TMTC2: variants seen among roughly 807,000 people sequenced by gnomAD.
TMTC2 encodes the protein protein O-mannosyl-transferase TMTC2.
Under a neutral mutation model 82.4 loss-of-function variants are expected in TMTC2, and 43 were observed. The observed-to-expected ratio is 0.52, with a 90% CI of 0.41 to 0.67. The LOEUF (loss-of-function observed/expected upper bound fraction) is 0.67, where lower values mean the gene tolerates loss of function less well. Among genes scored for constraint, TMTC2 ranks in the 30% least tolerant of loss-of-function variants. The pLI, the probability that TMTC2 is intolerant of heterozygous loss-of-function variation, is 0.00. For synonymous variants in TMTC2, 408 were observed against 381.9 expected (o/e 1.07, Z -0.80); for missense variants, 919 against 1,012.4 (o/e 0.91, Z 1.25).
At chr12:82,937,335 A>T (rs1876371064) in intron 4 of TMTC2, among the ~76,000 whole-genome samples, 1 of 152,100 alleles carries the variant, frequency 6.6e-6, no homozygotes, top group African/African-American at 2.4e-5. Flanking sequence ...TTGCAGCTGC[A>T]TAATTCCAAT....
chr12:83,041,110 A>C (rs931171266), intron 9 of TMTC2, among the ~76,000 whole-genome samples: 1 of 152,216 alleles, frequency 6.6e-6, no homozygotes, highest in Non-Finnish European at 1.5e-5. Flanking sequence ...CTTTAAAAAA[A>C]AGTGTTTATA....
intron 7 of TMTC2, among the ~76,000 whole-genome samples, chr12:82,974,069 C>CA (rs1435690973): frequency 2.0e-4 from 30 of 151,960 alleles, no homozygotes; most frequent in African/African-American, 7.0e-4. Flanking sequence ...GTGTTCTGTT[C>CA]AAAAAAATCT....
rs1448554526 is a variant in TMTC2, at chr12:82,965,851, T to C, written c.1869+107T>C. On this transcript the variant is annotated intron_variant, in intron 6 of 11. Transcript: ENST00000321196. ...GAGCCTATGTCCTTTGAACAACTAA[T>C]ATGTATACACGTTAAACTATTGTCC... is the stretch of plus-strand genomic sequence containing the variant. The C allele has an allele frequency of 8.5e-6, 10 of 1,170,150 alleles. No homozygotes were observed. The East Asian group carries it at 2.4e-4, about 28-fold the overall frequency. 72.5% of individuals were successfully genotyped at this position (1,170,150 alleles called of 1,614,324 possible).
At chr12:83,069,087 G>A (rs897764965) in intron 11 of TMTC2, among the ~76,000 whole-genome samples, 2 of 152,090 alleles carry the variant, frequency 1.3e-5, no homozygotes, top group African/African-American at 4.8e-5. Flanking sequence ...ATATACCACA[G>A]TTTATTTATC....
chr12:82,820,214 T>C (rs1869006025), intron 1 of TMTC2, among the ~76,000 whole-genome samples: 1 of 152,158 alleles, frequency 6.6e-6, no homozygotes, highest in African/African-American at 2.4e-5. Flanking sequence ...AGGGTGAGTC[T>C]GCCTTTCCGA....
intron 1 of TMTC2, among the ~76,000 whole-genome samples, chr12:82,721,827 A>G (rs2136927398): frequency 6.6e-6 from 1 of 152,302 alleles, no homozygotes; most frequent in African/African-American, 2.4e-5. Flanking sequence ...GTGTTTTTCC[A>G]TTCACAATTG....
At chr12:82,688,774 C>T (rs1872450796) in intron 1 of TMTC2, among the ~76,000 whole-genome samples, 1 of 152,128 alleles carries the variant, frequency 6.6e-6, no homozygotes, top group Admixed American at 6.5e-5. Flanking sequence ...GAATGGATCC[C>T]CAGGGTTAGG....
chr12:82,760,807 A>T, intron 1 of TMTC2: 1 of 394,560 alleles, frequency 2.5e-6, no homozygotes, highest in Non-Finnish European at 5.1e-6. Context: ...TGAGGGATCT[A>T]GGTTTCATAC....
At position 82,912,003 on chromosome 12, in the gene TMTC2, G is replaced by A. The variant is rs780644108; in HGVS notation, c.1483+15357G>A. Among the ~76,000 whole-genome samples the A allele has an allele frequency of 3.3e-5, 5 of 152,108 alleles. 1 individual carries two copies. Among genetic ancestry groups the A allele is most frequent in the Non-Finnish European group, 5.9e-5 (4 of 68,004 alleles). ...AGAACTGTATTGGAGGTTTTATTTT[G>A]TCTTGTATTTAAGGATTCTAATTCC... On this transcript the variant is annotated intron_variant, in intron 3 of 11. Transcript: ENST00000321196.
intron 4 of TMTC2, 129 bp downstream of exon 4, chr12:82,930,674 C>A (rs928040035): frequency 5.7e-6 from 3 of 529,546 alleles, no homozygotes; most frequent in African/African-American, 3.8e-5. Flanking sequence ...GTTAATCATG[C>A]CTCTGAGACT....
At chr12:82,738,717 A>T (rs748569638) in intron 1 of TMTC2, among the ~76,000 whole-genome samples, 2 of 152,254 alleles carry the variant, frequency 1.3e-5, no homozygotes, top group Non-Finnish European at 2.9e-5. Flanking sequence ...CCAAATATTT[A>T]AAAATTTTGA....
At chr12:83,064,026 T>C (rs542793071) in intron 11 of TMTC2, among the ~76,000 whole-genome samples, 5 of 134,708 alleles carry the variant, frequency 3.7e-5, no homozygotes, top group African/African-American at 1.3e-4. Context: ...ATCAGAGTTT[T>C]TCTTTTTTTT....
At chr12:82,970,363 C>T (rs921528303) in intron 7 of TMTC2, among the ~76,000 whole-genome samples, 4 of 152,214 alleles carry the variant, frequency 2.6e-5, no homozygotes, top group South Asian at 2.1e-4. Context: ...CTCGCTCTGT[C>T]GCCCAGGCGG....
intron 1 of TMTC2, among the ~76,000 whole-genome samples, chr12:82,809,112 A>G (rs570650573): frequency 4.9e-4 from 73 of 150,102 alleles, no homozygotes; most frequent in African/African-American, 1.7e-3. Flanking sequence ...TATCTATAGT[A>G]TTTAGAAATA....
intron 2 of TMTC2, among the ~76,000 whole-genome samples, chr12:82,870,164 T>A (rs1344242250): frequency 6.6e-6 from 1 of 152,186 alleles, no homozygotes; most frequent in African/African-American, 2.4e-5. Context: ...CCTTTGTTAA[T>A]AATTCCAAGC....
At chr12:82,840,162 C>T (rs1158547921) in intron 1 of TMTC2, among the ~76,000 whole-genome samples, 1 of 152,334 alleles carries the variant, frequency 6.6e-6, no homozygotes, top group East Asian at 1.9e-4. Flanking sequence ...CCCTACTGTG[C>T]GTCATGCACT....
chr12:82,707,759 TAGG>T (rs1324931101), intron 1 of TMTC2, among the ~76,000 whole-genome samples: 2 of 152,184 alleles, frequency 1.3e-5, no homozygotes, highest in Non-Finnish European at 2.9e-5. Context: ...CACACTCTGT[TAGG>T]AGGAAGGGCA....
At chr12:83,105,052 A>G (rs1390567477) in intron 11 of TMTC2, among the ~76,000 whole-genome samples, 1 of 152,180 alleles carries the variant, frequency 6.6e-6, no homozygotes, top group Non-Finnish European at 1.5e-5. Context: ...TCTCTAGTAC[A>G]TGGACACAGT....
At chr12:82,925,603 C>T (rs1027856884) in intron 3 of TMTC2, among the ~76,000 whole-genome samples, 1 of 152,128 alleles carries the variant, frequency 6.6e-6, no homozygotes, top group Non-Finnish European at 1.5e-5. Context: ...CTTCATGTCT[C>T]TGTCATATTT....
Sources: gnomAD v4.1 joint callset for allele counts (sites outside exome capture counted in the v4.1 genomes callset) on GRCh38, gnomAD v4.1.1 for gene constraint, MANE v1.5 for transcripts, NCBI Gene and HGNC (gene_info 2026-07-23, HGNC 2026-07-21) for gene names.